Variants in COLEC11 observed in about 807,000 individuals in gnomAD.
The protein encoded by COLEC11 is collectin subfamily member 11.
A neutral mutation model predicts 27.3 loss-of-function variants in COLEC11; 20 were observed. The observed-to-expected ratio is 0.73, with a 90% CI of 0.51 to 1.06. The LOEUF (loss-of-function observed/expected upper bound fraction) is 1.06, where lower values mean the gene tolerates loss of function less well. COLEC11 is among the 50% of genes least tolerant of loss of function. The pLI, the probability that COLEC11 is intolerant of heterozygous loss-of-function variation, is 0.00. For missense variants in COLEC11, 310 were observed against 383.0 expected (o/e 0.81, Z 1.59); for synonymous variants, 163 against 154.7 (o/e 1.05, Z -0.40).
At chr2:3,607,731 G>A (rs1334469693) in intron 2 of COLEC11, among the ~76,000 whole-genome samples, 1 of 152,172 alleles carries the variant, frequency 6.6e-6, no homozygotes, top group Non-Finnish European at 1.5e-5. Flanking sequence ...TTACAGGTGT[G>A]AGCCAACATA....
intron 3 of COLEC11, among the ~76,000 whole-genome samples, chr2:3,626,938 C>A (rs1307617338): frequency 9.2e-5 from 14 of 152,180 alleles, no homozygotes; most frequent in African/African-American, 3.4e-4. Context: ...ACCCTCCACA[C>A]CCTCCCTGGA....
intron 5 of COLEC11, chr2:3,641,296 G>A (rs1204104329): frequency 7.7e-7 from 1 of 1,303,976 alleles, no homozygotes; most frequent in South Asian, 1.2e-5. Flanking sequence ...GTGCTTGCCG[G>A]TGTGACTTGG....
chr2:3,595,537 A>G (rs540492020), intron 1 of COLEC11, among the ~76,000 whole-genome samples: 10 of 152,280 alleles, frequency 6.6e-5, no homozygotes, highest in African/African-American at 2.4e-4. Flanking sequence ...CAACCTGACG[A>G]TTGTTCCTGA....
At chr2:3,609,328 G>A (rs957554470) in intron 2 of COLEC11, among the ~76,000 whole-genome samples, 3 of 121,526 alleles carry the variant, frequency 2.5e-5, no homozygotes, top group East Asian at 4.9e-4. Context: ...GCCTCCAGTT[G>A]TTACTATGAA....
At chr2:3,604,833 G>GA (rs1448702666) in intron 2 of COLEC11, among the ~76,000 whole-genome samples, 1 of 152,062 alleles carries the variant, frequency 6.6e-6, no homozygotes, top group Non-Finnish European at 1.5e-5. Context: ...GAGGGTCAGA[G>GA]AAAATTTGCA....
chr2:3,627,354 ATGATGCTGGGCAAGATGATGGCATGG>A, intron 3 of COLEC11, among the ~76,000 whole-genome samples: 2 of 110,634 alleles, frequency 1.8e-5, no homozygotes, highest in African/African-American at 8.2e-5. Context: ...TCTGGGCATG[ATGATGCTGGGCAAGATGATGGCATGG>A]TGATGCTGGG....
At chr2:3,613,802 C>T (rs115960757) in intron 3 of COLEC11, among the ~76,000 whole-genome samples, 11 of 152,002 alleles carry the variant, frequency 7.2e-5, no homozygotes, top group African/African-American at 2.2e-4. Context: ...CTGCCTGCCT[C>T]GTGGGACTGT....
intron 1 of COLEC11, among the ~76,000 whole-genome samples, chr2:3,599,042 C>T (rs565362810): frequency 1.9e-4 from 12 of 61,982 alleles, no homozygotes; most frequent in African/African-American, 3.9e-4. Flanking sequence ...AGAGGGTAGT[C>T]GGGCAGAAAG....
At chr2:3,604,247 C>T in intron 1 of COLEC11, 68 bp from the exon 2 acceptor site, 1 of 1,578,414 alleles carries the variant, frequency 6.3e-7, no homozygotes, top group Non-Finnish European at 8.7e-7. Context: ...GCCTCCGAGG[C>T]CTGCTCACTG....
intron 2 of COLEC11, chr2:3,606,123 C>T (rs866601521): frequency 6.4e-7 from 1 of 1,550,616 alleles, no homozygotes; most frequent in Middle Eastern, 1.7e-4. Context: ...GTGGAACCTT[C>T]AGCTTTAGGT....
At chr2:3,608,397 C>T (rs1346121102) in intron 2 of COLEC11, among the ~76,000 whole-genome samples, 2 of 152,052 alleles carry the variant, frequency 1.3e-5, no homozygotes, top group East Asian at 1.9e-4. Context: ...TCATTGTGCT[C>T]GCTGGGTCTA....
chr2:3,633,667 A>G (rs1039983017), intron 3 of COLEC11, among the ~76,000 whole-genome samples: 2 of 152,170 alleles, frequency 1.3e-5, no homozygotes, highest in African/African-American at 4.8e-5. Context: ...GGAGGGGGAA[A>G]TAAGAAGCAT....
intron 2 of COLEC11, among the ~76,000 whole-genome samples, chr2:3,607,961 C>T (rs571381974): frequency 2.0e-5 from 3 of 152,332 alleles, no homozygotes; most frequent in African/African-American, 7.2e-5. Flanking sequence ...GGTGCCGTGG[C>T]ACTTGTTGTG....
intron 3 of COLEC11, among the ~76,000 whole-genome samples, chr2:3,630,017 GTGTA>G (rs573273576): frequency 5.8e-4 from 88 of 152,198 alleles, no homozygotes; most frequent in African/African-American, 1.3e-3. Flanking sequence ...TCATGCATAT[GTGTA>G]TGTATGTGTG....
chr2:3,635,666 C>T (rs975972198), intron 3 of COLEC11, among the ~76,000 whole-genome samples: 16 of 152,250 alleles, frequency 1.1e-4, no homozygotes, highest in African/African-American at 3.6e-4. Flanking sequence ...GCTGGCAACA[C>T]ACAGCGCCTG....
At chr2:3,617,519 T>C (rs1663851593) in intron 3 of COLEC11, 5 of 1,505,000 alleles carry the variant, frequency 3.3e-6, no homozygotes, top group Non-Finnish European at 4.6e-6. Context: ...TTGTGGAATA[T>C]ACAGTGCATA....
At chr2:3,638,668 AGG>A (rs1441471278) in intron 4 of COLEC11, among the ~76,000 whole-genome samples, 1 of 152,100 alleles carries the variant, frequency 6.6e-6, no homozygotes, top group African/African-American at 2.4e-5. Flanking sequence ...AGCGATGGGG[AGG>A]GGCCTAGCTC....
chr2:3,604,962 G>A, intron 2 of COLEC11: 1 of 432,014 alleles, frequency 2.3e-6, no homozygotes, highest in East Asian at 7.1e-5. Flanking sequence ...AAAAAGACAG[G>A]AACTTTTTTT....
intron 2 of COLEC11, among the ~76,000 whole-genome samples, chr2:3,612,952 G>C (rs1472308709): frequency 6.9e-6 from 1 of 145,226 alleles, no homozygotes; most frequent in East Asian, 1.9e-4. Context: ...CCATGGGGGC[G>C]CCTGGAGACG....
Sources: gnomAD v4.1 joint callset for allele counts (sites outside exome capture counted in the v4.1 genomes callset) on GRCh38, gnomAD v4.1.1 for gene constraint, MANE v1.5 for transcripts, NCBI Gene and HGNC (gene_info 2026-07-23, HGNC 2026-07-21) for gene names.